Variants in CDK14 observed in about 807,000 individuals in gnomAD.
CDK14 encodes cyclin-dependent kinase 14.
CDK14 carries 34 observed loss-of-function variants against 60.7 expected under a neutral mutation model. That is an observed-to-expected ratio of 0.56 (90% CI 0.43 to 0.75). CDK14 has a LOEUF of 0.75. CDK14 is among the 30% of genes least tolerant of loss of function. CDK14 has a pLI of 0.00. For missense variants in CDK14, 482 were observed against 564.1 expected (o/e 0.85, Z 1.47); for synonymous variants, 197 against 203.7 (o/e 0.97, Z 0.28).
At chr7:90,758,313 G>T (rs987716122) in intron 4 of CDK14, among the ~76,000 whole-genome samples, 1 of 151,894 alleles carries the variant, frequency 6.6e-6, no homozygotes, top group African/African-American at 2.4e-5. Context: ...TAGATGGGGG[G>T]TGGCAGTTAT....
intron 2 of CDK14, among the ~76,000 whole-genome samples, chr7:90,664,854 T>G (rs11977786): frequency 0.3 from 46,227 of 151,652 alleles, 7,918 homozygotes; most frequent in East Asian, 0.67. Context: ...ACGAGTTAAT[T>G]GGTGCAGCAC....
chr7:91,035,381 T>C (rs906856731), intron 10 of CDK14, among the ~76,000 whole-genome samples: 2 of 152,226 alleles, frequency 1.3e-5, no homozygotes, highest in Non-Finnish European at 2.9e-5. Flanking sequence ...ACACAGCTTT[T>C]ATCGTTAGAA....
intron 2 of CDK14, among the ~76,000 whole-genome samples, chr7:90,606,780 A>G (rs1402132059): frequency 6.6e-6 from 1 of 152,180 alleles, no homozygotes; most frequent in Non-Finnish European, 1.5e-5. Flanking sequence ...GTAAATATCT[A>G]TTGTAGAGGA....
At chr7:91,083,327 T>C (rs765420988) in intron 12 of CDK14, among the ~76,000 whole-genome samples, 13 of 152,180 alleles carry the variant, frequency 8.5e-5, no homozygotes, top group Non-Finnish European at 1.8e-4. Context: ...ACTCAAAGGG[T>C]GAGCTGCAGC....
chr7:91,108,266 C>T (rs1453177846), intron 12 of CDK14, among the ~76,000 whole-genome samples: 1 of 152,180 alleles, frequency 6.6e-6, no homozygotes, highest in Non-Finnish European at 1.5e-5. Context: ...AAGGTCATAC[C>T]ACTGCACTCC....
At chr7:91,189,553 A>G (rs972438882) in intron 14 of CDK14, among the ~76,000 whole-genome samples, 13 of 152,210 alleles carry the variant, frequency 8.5e-5, no homozygotes, top group African/African-American at 3.1e-4. Flanking sequence ...GATTCTAATT[A>G]TATGAAATTC....
In CDK14 at chr7:91,046,176, CTTTAT is replaced by C. The variant is rs372275280; in HGVS notation, c.1105+224_1105+228del. 4.3e-3 allele frequency among the ~76,000 whole-genome samples: 660 copies of C among 152,200 alleles called. 4 individuals carry two copies. Among genetic ancestry groups the C allele is most frequent in the African/African-American group, 0.015 (636 of 41,554 alleles). The stretch of plus-strand genomic sequence containing the variant: ...TCCCTGATGATTTTCACCATATATA[CTTTAT>C]TTTATTTGACTGGTTGATCTTGCAG... On this transcript the variant is annotated intron_variant, in intron 11 of 14. Coordinates refer to ENST00000380050, the MANE Select transcript of CDK14 (RefSeq NM_001287135.2).
intron 2 of CDK14, among the ~76,000 whole-genome samples, chr7:90,656,618 T>C (rs1800756447): frequency 6.6e-6 from 1 of 152,162 alleles, no homozygotes; most frequent in Non-Finnish European, 1.5e-5. Flanking sequence ...GACCTTGTGA[T>C]CTGCCTGCCT....
intron 4 of CDK14, among the ~76,000 whole-genome samples, chr7:90,785,269 G>A (rs1339136211): frequency 6.6e-6 from 1 of 152,204 alleles, no homozygotes; most frequent in African/African-American, 2.4e-5. Flanking sequence ...TGTTTTCAGA[G>A]ATGACACAGA....
At chr7:91,194,206 T>C (rs559058501) in intron 14 of CDK14, among the ~76,000 whole-genome samples, 2 of 152,330 alleles carry the variant, frequency 1.3e-5, no homozygotes, top group South Asian at 4.1e-4. Flanking sequence ...CAAGCATGAG[T>C]ATTTTATATC....
At chr7:90,928,736 A>G (rs542585460) in intron 8 of CDK14, among the ~76,000 whole-genome samples, 2 of 151,940 alleles carry the variant, frequency 1.3e-5, no homozygotes, top group East Asian at 1.9e-4. Context: ...GAGAACCACT[A>G]CTCTCTTCAA....
At chr7:90,776,595 A>G (rs975551086) in intron 4 of CDK14, among the ~76,000 whole-genome samples, 1 of 152,198 alleles carries the variant, frequency 6.6e-6, no homozygotes, top group Admixed American at 6.5e-5. Flanking sequence ...AAGAAGTGCA[A>G]GCACTCACCT....
chr7:90,629,049 C>T (rs1037174016), intron 2 of CDK14, among the ~76,000 whole-genome samples: 2 of 151,976 alleles, frequency 1.3e-5, no homozygotes, highest in Non-Finnish European at 2.9e-5. Context: ...TGAGGTTTTC[C>T]ACCAAGCTAA....
chr7:91,091,327 A>G (rs576273683), intron 12 of CDK14, among the ~76,000 whole-genome samples: 3 of 143,906 alleles, frequency 2.1e-5, no homozygotes, highest in African/African-American at 5.1e-5. Context: ...ATGTATACAC[A>G]TATGTGTATA....
intron 9 of CDK14, among the ~76,000 whole-genome samples, chr7:90,981,829 A>AAACAAAACAAAACAAAACAAAACAC (rs2115623809): frequency 1.3e-5 from 2 of 152,218 alleles, no homozygotes; most frequent in East Asian, 3.9e-4. Flanking sequence ...AAACAAAACA[A>AAACAAAACAAAACAAAACAAAACAC]AACACTGGAT....
At chr7:91,162,340 A>G (rs1455313212) in intron 14 of CDK14, among the ~76,000 whole-genome samples, 1 of 152,198 alleles carries the variant, frequency 6.6e-6, no homozygotes, top group Non-Finnish European at 1.5e-5. Flanking sequence ...TCACTCTCCC[A>G]GAAGGCTTCA....
intron 5 of CDK14, among the ~76,000 whole-genome samples, chr7:90,821,493 C>T (rs1789547905): frequency 6.6e-6 from 1 of 152,216 alleles, no homozygotes; most frequent in African/African-American, 2.4e-5. Flanking sequence ...TCTGAGTCTC[C>T]TCCTCTCTGC....
At chr7:91,029,344 A>T (rs1046022870) in intron 10 of CDK14, among the ~76,000 whole-genome samples, 53 of 152,068 alleles carry the variant, frequency 3.5e-4, no homozygotes, top group African/African-American at 1.2e-3. Flanking sequence ...ATTTTTTCTA[A>T]TTCTATGAAA....
At chr7:90,779,944 A>AC (rs1805237529) in intron 4 of CDK14, among the ~76,000 whole-genome samples, 1 of 152,198 alleles carries the variant, frequency 6.6e-6, no homozygotes, top group African/African-American at 2.4e-5. Flanking sequence ...TCCATGGGTT[A>AC]CCCCTACCAT....
Sources: allele counts gnomAD v4.1 joint callset (sites outside exome capture counted in the v4.1 genomes callset), GRCh38; gene constraint gnomAD v4.1.1; transcripts MANE v1.5; gene names NCBI Gene and HGNC (gene_info 2026-07-23, HGNC 2026-07-21).